Variants in DGKI observed in about 807,000 individuals in gnomAD.
The protein encoded by DGKI is diacylglycerol kinase iota.
Under a neutral mutation model 147.5 loss-of-function variants are expected in DGKI, and 55 were observed. That is an observed-to-expected ratio of 0.37 (90% CI 0.30 to 0.47). DGKI has a LOEUF of 0.47. DGKI is among the 20% of genes least tolerant of loss of function. The probability of loss-of-function intolerance (pLI) is 1.00; values close to 1 mark genes in which losing one functional copy is unlikely to be tolerated. For synonymous variants in DGKI, 469 were observed against 477.1 expected (o/e 0.98, Z 0.22); for missense variants, 1,007 against 1,323.8 (o/e 0.76, Z 3.71).
chr7:137,804,012 C>A (rs951504186), intron 1 of DGKI, among the ~76,000 whole-genome samples: 1 of 152,172 alleles, frequency 6.6e-6, no homozygotes, highest in Non-Finnish European at 1.5e-5. Flanking sequence ...TGAGGGAGCT[C>A]CTTTGTGAGA....
intron 8 of DGKI, among the ~76,000 whole-genome samples, chr7:137,611,087 CT>C (rs1173854916): frequency 6.6e-6 from 1 of 152,088 alleles, no homozygotes; most frequent in African/African-American, 2.4e-5. Flanking sequence ...TTAAATGGGT[CT>C]TTTATCATGT....
At chr7:137,540,073 C>T (rs975751820) in intron 20 of DGKI, among the ~76,000 whole-genome samples, 3 of 152,204 alleles carry the variant, frequency 2.0e-5, no homozygotes, top group Non-Finnish European at 4.4e-5. Flanking sequence ...AGTAGTCCTA[C>T]AACTCCTAAA....
chr7:137,825,000 A>T (rs1028647580), intron 1 of DGKI, among the ~76,000 whole-genome samples: 5 of 152,116 alleles, frequency 3.3e-5, no homozygotes, highest in African/African-American at 1.2e-4. Flanking sequence ...TGCTATTGTG[A>T]ACAGTGCTTC....
intron 21 of DGKI, among the ~76,000 whole-genome samples, chr7:137,489,597 T>A (rs971437427): frequency 1.3e-5 from 2 of 152,046 alleles, no homozygotes; most frequent in Admixed American, 6.6e-5. Flanking sequence ...TCCACCAAGA[T>A]AAGAGCAGAA....
chr7:137,485,266 T>A (rs1815512966), intron 23 of DGKI, 108 bp downstream of exon 23: 1 of 868,838 alleles, frequency 1.2e-6, no homozygotes, highest in African/African-American at 1.7e-5. Flanking sequence ...TAGAATGAAC[T>A]CTATCCCTAG....
chr7:137,391,764 C>T (rs1811374371), intron 32 of DGKI, among the ~76,000 whole-genome samples: 1 of 152,100 alleles, frequency 6.6e-6, no homozygotes, highest in Non-Finnish European at 1.5e-5. Context: ...TAGTTTAGGA[C>T]TCTTTCTATT....
intron 20 of DGKI, among the ~76,000 whole-genome samples, chr7:137,539,844 A>C (rs10246829): frequency 0.059 from 9,044 of 152,122 alleles, 660 homozygotes; most frequent in African/African-American, 0.17. Flanking sequence ...AAATGGATAG[A>C]TCTCTACCAA....
At chr7:137,540,847 T>C (rs1817676264) in intron 20 of DGKI, among the ~76,000 whole-genome samples, 1 of 120,852 alleles carries the variant, frequency 8.3e-6, no homozygotes, top group Non-Finnish European at 1.8e-5. Context: ...AAAATAGGTA[T>C]AAAATCTTTA....
chr7:137,618,732 T>G (rs900507692), intron 8 of DGKI, among the ~76,000 whole-genome samples: 3 of 152,214 alleles, frequency 2.0e-5, no homozygotes, highest in African/African-American at 7.2e-5. Flanking sequence ...TAATTTGTTT[T>G]ATCACCTTGG....
chr7:137,722,874 A>T (rs950685019), intron 1 of DGKI: 6 of 887,332 alleles, frequency 6.8e-6, no homozygotes, highest in African/African-American at 2.0e-5. Flanking sequence ...AACTTAATTA[A>T]ATAGTTGACT....
chr7:137,594,970 A>C (rs1426328926), intron 12 of DGKI, among the ~76,000 whole-genome samples: 1 of 152,230 alleles, frequency 6.6e-6, no homozygotes, highest in African/African-American at 2.4e-5. Context: ...TGCCAACTCT[A>C]GGGTAAACGT....
intron 1 of DGKI, among the ~76,000 whole-genome samples, chr7:137,836,784 A>G (rs980946350): frequency 6.6e-6 from 1 of 152,244 alleles, no homozygotes; most frequent in Non-Finnish European, 1.5e-5. Flanking sequence ...ACAGTAGCAC[A>G]TGATTATTCA....
At chr7:137,400,627 A>T (rs1167324207) in intron 30 of DGKI, among the ~76,000 whole-genome samples, 1 of 152,182 alleles carries the variant, frequency 6.6e-6, no homozygotes, top group African/African-American at 2.4e-5. Context: ...TCTGTGAGTC[A>T]GGCATGCCCG....
At position 137,732,171 on chromosome 7, in the gene DGKI, T is replaced by C. The variant is rs769354299; in HGVS notation, c.402-42169A>G. Among the ~76,000 whole-genome samples the C allele has an allele frequency of 5.7e-4, 86 of 152,068 alleles. 6 individuals carry two copies. The highest frequency in any genetic ancestry group is 2.1e-4 in the South Asian group (1 of 4,828). On this transcript the variant is annotated intron_variant, in intron 1 of 32. Transcript: ENST00000614521. ...AGTGATCTAGTTTCACAATAGTATA[T>C]ATAATCACTTTACAATATATATAGT...
chr7:137,829,674 A>G (rs1377367788), intron 1 of DGKI, among the ~76,000 whole-genome samples: 1 of 152,206 alleles, frequency 6.6e-6, no homozygotes, highest in Non-Finnish European at 1.5e-5. Context: ...ATTGAACGGC[A>G]TAGCCTTTGT....
At chr7:137,398,824 G>A (rs2128894946) in intron 30 of DGKI, among the ~76,000 whole-genome samples, 1 of 151,838 alleles carries the variant, frequency 6.6e-6, no homozygotes, top group Admixed American at 6.6e-5. Context: ...ACCAGTATCT[G>A]CCTGGAACAT....
At chr7:137,413,982 T>G (rs1812261970) in intron 28 of DGKI, among the ~76,000 whole-genome samples, 2 of 152,202 alleles carry the variant, frequency 1.3e-5, no homozygotes, top group Non-Finnish European at 2.9e-5. Flanking sequence ...TTTTAAGGCT[T>G]TAAAGTCACA....
At chr7:137,783,651 G>A (rs1300611020) in intron 1 of DGKI, among the ~76,000 whole-genome samples, 1 of 152,212 alleles carries the variant, frequency 6.6e-6, no homozygotes, top group Non-Finnish European at 1.5e-5. Context: ...ATTGTGAAAA[G>A]ATCATTGCCT....
At chr7:137,448,987 T>C (rs1178819503) in intron 27 of DGKI, among the ~76,000 whole-genome samples, 1 of 152,082 alleles carries the variant, frequency 6.6e-6, no homozygotes, top group Non-Finnish European at 1.5e-5. Context: ...TGAAAGAAAT[T>C]GAAAAAGATA....
Sources: gnomAD v4.1 joint callset for allele counts (sites outside exome capture counted in the v4.1 genomes callset) on GRCh38, gnomAD v4.1.1 for gene constraint, MANE v1.5 for transcripts, NCBI Gene and HGNC (gene_info 2026-07-23, HGNC 2026-07-21) for gene names.